Variants in SCARA5 observed in about 807,000 individuals in gnomAD.
SCARA5 encodes the protein scavenger receptor class A member 5, also known as scavenger receptor class A, member 5 (putative).
Under a neutral mutation model 46.3 loss-of-function variants are expected in SCARA5, and 45 were observed. The observed-to-expected ratio is 0.97, with a 90% CI of 0.76 to 1.24. SCARA5 has a LOEUF of 1.24. Ranked by LOEUF, SCARA5 falls within the 50% of genes most tolerant of loss-of-function variation. SCARA5 has a pLI of 0.00. For missense variants in SCARA5, 680 were observed against 689.0 expected (o/e 0.99, Z 0.15); for synonymous variants, 333 against 306.5 (o/e 1.09, Z -0.90).
chr8:27,923,386 G>A (rs947105252), intron 3 of SCARA5, among the ~76,000 whole-genome samples: 1 of 152,214 alleles, frequency 6.6e-6, no homozygotes, highest in East Asian at 1.9e-4. Context: ...GGGGCAACAT[G>A]AGAAGAAACT....
chr8:27,975,103 AAG>A (rs1357526731), intron 2 of SCARA5, among the ~76,000 whole-genome samples: 4 of 152,140 alleles, frequency 2.6e-5, no homozygotes, highest in South Asian at 4.2e-4. Context: ...CCTCCAGGAA[AAG>A]AGAGAGGCTG....
rs552067687 is a variant in SCARA5 at position 27,987,477 on chromosome 8, C to T, written c.112+27G>A. 1.8e-5 allele frequency: 27 copies of T among 1,533,042 alleles called. No homozygotes were observed. In the East Asian group the frequency reaches 5.4e-4, roughly 31 times the overall value. The allele number at this position is 1,533,042 out of a possible 1,614,324, so 95.0% of individuals were successfully genotyped here. Reference sequence around the variant, plus strand: ...CCCCACCCCCAGGCCAGATCTTGTGCCCCAAGTCTGAGCCAGCTGCACTCA... The same window carrying T: ...CCCCACCCCCAGGCCAGATCTTGTGTCCCAAGTCTGAGCCAGCTGCACTCA... On this transcript the variant is annotated intron_variant, in intron 2 of 8. Transcript: ENST00000354914.
chr8:27,883,252 G>A (rs1216068356), intron 7 of SCARA5, among the ~76,000 whole-genome samples: 1 of 152,256 alleles, frequency 6.6e-6, no homozygotes, highest in Non-Finnish European at 1.5e-5. Context: ...GAACACCAGA[G>A]CAACTGAAAG....
chr8:27,891,367 G>A lies in SCARA5; in HGVS notation c.1154-11601C>T, dbSNP rs1021701334. Among the ~76,000 whole-genome samples, 69 of 152,098 alleles carry A rather than the reference G, an allele frequency of 4.5e-4. 1 individual carries two copies. The highest frequency in any genetic ancestry group is 4.1e-3 in the Admixed American group (62 of 15,282). On this transcript the variant is annotated intron_variant, in intron 7 of 8. Coordinates refer to ENST00000354914, the MANE Select transcript of SCARA5 (RefSeq NM_173833.6). ...ACTATGGGTGTGCACCACCATGCCC[G>A]GCTACTTTTTGTATTTTTAGTAGAG...
intron 8 of SCARA5, among the ~76,000 whole-genome samples, chr8:27,875,086 C>G (rs1226063301): frequency 2.6e-5 from 4 of 152,158 alleles, no homozygotes; most frequent in Admixed American, 2.6e-4. Context: ...ACAGGGAGGA[C>G]TCAGGTTTGG....
chr8:27,953,424 G>A (rs991265060), intron 3 of SCARA5, among the ~76,000 whole-genome samples: 1 of 152,224 alleles, frequency 6.6e-6, no homozygotes, highest in Non-Finnish European at 1.5e-5. Context: ...TAGAGAGCTG[G>A]GTAGAGGGTC....
intron 2 of SCARA5, among the ~76,000 whole-genome samples, chr8:27,986,500 T>C (rs1169836265): frequency 6.6e-6 from 1 of 152,156 alleles, no homozygotes; most frequent in Non-Finnish European, 1.5e-5. Flanking sequence ...CCTCAAAATA[T>C]GTTTGTCAAT....
chr8:27,888,818 C>T (rs1455757506), intron 7 of SCARA5, among the ~76,000 whole-genome samples: 1 of 152,206 alleles, frequency 6.6e-6, no homozygotes, highest in African/African-American at 2.4e-5. Context: ...AGCATCCCTG[C>T]CTGGTTTCAC....
At chr8:27,898,660 T>C (rs1357940019) in intron 7 of SCARA5, among the ~76,000 whole-genome samples, 4 of 152,188 alleles carry the variant, frequency 2.6e-5, no homozygotes, top group Admixed American at 1.3e-4. Flanking sequence ...TTAAAATTCA[T>C]AGTAAGCCCC....
intron 3 of SCARA5, among the ~76,000 whole-genome samples, chr8:27,923,554 G>T (rs937820514): frequency 6.6e-6 from 1 of 152,092 alleles, no homozygotes; most frequent in African/African-American, 2.4e-5. Flanking sequence ...TTGTTTGTTT[G>T]TTGTGTTTTC....
chr8:27,935,565 C>T (rs1264474997), intron 3 of SCARA5, among the ~76,000 whole-genome samples: 1 of 152,106 alleles, frequency 6.6e-6, no homozygotes, highest in Non-Finnish European at 1.5e-5. Context: ...GGTGACAGCA[C>T]CAAAGCAGAA....
In SCARA5 at chr8:27,967,854, A is replaced by T. The variant is rs1253070896; in HGVS notation, c.113-1312T>A. ...CTTGAACCCAGGAAGCAGAGGTTGC[A>T]GTGAGCTGAGATCACGCCACTGCAC... On this transcript the variant is annotated intron_variant, in intron 2 of 8. Transcript: ENST00000354914. Among the ~76,000 whole-genome samples, 33 of 152,216 alleles carry T rather than the reference A, an allele frequency of 2.2e-4. 1 individual carries two copies. Among genetic ancestry groups the T allele is most frequent in the Admixed American group, 2.2e-3 (33 of 15,280 alleles).
chr8:27,888,712 G>T (rs1318861902), intron 7 of SCARA5, among the ~76,000 whole-genome samples: 1 of 152,158 alleles, frequency 6.6e-6, no homozygotes, highest in African/African-American at 2.4e-5. Flanking sequence ...CTTCGGTTTG[G>T]TTACAAGCCC....
rs541491321 is a variant in SCARA5 at position 27,912,709 on chromosome 8, G to A, written c.917-2966C>T. 3.3e-5 allele frequency among the ~76,000 whole-genome samples: 5 copies of A among 152,326 alleles called. No individual in the cohort carries two copies. In the East Asian group the frequency reaches 7.7e-4, roughly 24 times the overall value. On this transcript the variant is annotated intron_variant, in intron 4 of 8. Transcript: ENST00000354914. ...CCCGGGTGCTCCAGGAACTGAGCTG[G>A]TCACAGATGCAAGGGACTGCACCCT...
At chr8:27,879,473 G>T (rs1806773928) in intron 8 of SCARA5, 96 bp downstream of exon 8, 1 of 1,234,224 alleles carries the variant, frequency 8.1e-7, no homozygotes, top group Non-Finnish European at 1.2e-6. Flanking sequence ...GGGACCTCGC[G>T]GAATTGCAGT....
At chr8:27,936,611 A>AAAAAAAAAAAAAAAAAAAT (rs1807862022) in intron 3 of SCARA5, among the ~76,000 whole-genome samples, 1 of 147,786 alleles carries the variant, frequency 6.8e-6, no homozygotes, top group Admixed American at 6.8e-5. Context: ...AAAAAAAAAA[A>AAAAAAAAAAAAAAAAAAAT]GGTGGGGATG....
At chr8:27,961,080 T>C (rs1808287526) in intron 3 of SCARA5, among the ~76,000 whole-genome samples, 1 of 152,228 alleles carries the variant, frequency 6.6e-6, no homozygotes, top group Non-Finnish European at 1.5e-5. Context: ...CAAGGTTAAT[T>C]GACTGCAAAG....
At chr8:27,960,818 G>GAATA (rs10680633) in intron 3 of SCARA5, among the ~76,000 whole-genome samples, 70,799 of 151,814 alleles carry the variant, frequency 0.47, 16,770 homozygotes, top group Admixed American at 0.52. Context: ...TGAAATAAAT[G>GAATA]AGTTGTGATC....
At chr8:27,891,232 G>A (rs1806977158) in intron 7 of SCARA5, among the ~76,000 whole-genome samples, 1 of 149,628 alleles carries the variant, frequency 6.7e-6, no homozygotes. Context: ...AAATGGAGGA[G>A]TCTCGCTCTG....
Sources: allele counts gnomAD v4.1 joint callset (sites outside exome capture counted in the v4.1 genomes callset), GRCh38; gene constraint gnomAD v4.1.1; transcripts MANE v1.5; gene names NCBI Gene and HGNC (gene_info 2026-07-23, HGNC 2026-07-21).